The following PYGO1 variants were observed in gnomAD, a reference collection of about 807,000 sequenced individuals.
PYGO1 encodes the protein pygopus homolog 1.
In PYGO1, 6 loss-of-function variants were observed where a neutral mutation model predicts 29.5. The ratio of observed to expected loss-of-function variants is 0.20; its 90% CI spans 0.11 to 0.40. The LOEUF is 0.40. Among genes scored for constraint, PYGO1 ranks in the 10% least tolerant of loss-of-function variants. The pLI is 1.00. For missense variants in PYGO1, 515 were observed against 514.9 expected (o/e 1.00, Z 0.00); for synonymous variants, 186 against 180.5 (o/e 1.03, Z -0.24).
At chr15:55,556,668 A>T (rs1342529833) in intron 1 of PYGO1, among the ~76,000 whole-genome samples, 1 of 150,096 alleles carries the variant, frequency 6.7e-6, no homozygotes, top group Non-Finnish European at 1.5e-5. Context: ...TGAAGGAGAC[A>T]GAGACACAAA....
At chr15:55,570,137 C>T (rs1403473834) in intron 1 of PYGO1, among the ~76,000 whole-genome samples, 1 of 152,170 alleles carries the variant, frequency 6.6e-6, no homozygotes, top group Non-Finnish European at 1.5e-5. Context: ...AGGCCTCACT[C>T]ACTTTTATCA....
chr15:55,588,213 CCTT>C lies in PYGO1; in HGVS notation c.-333_-331del, dbSNP rs535134728. On this transcript the variant is annotated 5_prime_UTR_variant, in exon 1 of 3. Coordinates refer to ENST00000563719, the MANE Select transcript of PYGO1 (RefSeq NM_001367806.1). Reference sequence around the variant, plus strand: ...GCCGCCGCCGCCGCCTCCTCCCACTCCTTCTTCTTCGCCGCCGCCTCAGGAGCC... The same window carrying C: ...GCCGCCGCCGCCGCCTCCTCCCACTCCTTCTTCGCCGCCGCCTCAGGAGCC... 3.5e-3 allele frequency: 751 copies of C among 213,440 alleles called. No individual in the cohort carries two copies. Among genetic ancestry groups the C allele is most frequent in the Non-Finnish European group, 4.4e-3 (553 of 125,662 alleles). 13.2% of individuals were successfully genotyped at this position (213,440 alleles called of 1,614,324 possible). A position where few individuals can be genotyped will look rare whatever the true frequency, so the allele number is the denominator to read the frequency against.
chr15:55,582,679 A>G (rs1418222317), intron 1 of PYGO1, among the ~76,000 whole-genome samples: 2 of 152,102 alleles, frequency 1.3e-5, no homozygotes, highest in African/African-American at 4.8e-5. Flanking sequence ...CCAGTTCCAA[A>G]CCATATACAT....
In PYGO1 at chr15:55,549,011, T is replaced by A. The variant is rs76474612; in HGVS notation, c.50-16A>T. 0.063 allele frequency: 93,648 copies of A among 1,492,626 alleles called. 1,128 individuals are homozygous for A. Among genetic ancestry groups the A allele is most frequent in the Non-Finnish European group, 0.069 (75,101 of 1,086,552 alleles). The allele number at this position is 1,492,626 out of a possible 1,614,324, so 92.5% of individuals were successfully genotyped here. ...CTATCACCACCTAAAAAAAAAAAAA[T>A]TCAGGTAATATTTCCCACTTGTAAG... On this transcript the variant is annotated splice_polypyrimidine_tract_variant and intron_variant, in intron 1 of 2. Coordinates refer to ENST00000563719, the MANE Select transcript of PYGO1 (RefSeq NM_001367806.1).
At chr15:55,551,702 G>A (rs1218343082) in intron 1 of PYGO1, among the ~76,000 whole-genome samples, 1 of 152,182 alleles carries the variant, frequency 6.6e-6, no homozygotes, top group Admixed American at 6.5e-5. Context: ...AGCTACTCAG[G>A]AGGCTGAGGT....
Position 55,547,114 on chromosome 15 carries a change from G to A in PYGO1, c.169C>T (p.Pro57Ser). ...PSFPPLSEYA[P>S]PPNPNSDHLV... ...TGGTCAGAGTTTGGATTCGGTGGTG[G>A]AGCATACTCAGACAATGGAGGGAAA... The change falls in exon 3 of 3, where the codon CCA becomes TCA. Residue 57 changes from proline (P) to serine (S), a missense_variant. Pro to Ser is a moderately conservative substitution (Grantham distance 74). Transcript: ENST00000563719. 1 of 1,607,744 alleles carries A rather than the reference G, an allele frequency of 6.2e-7. No homozygotes were observed. Among genetic ancestry groups the A allele is most frequent in the Non-Finnish European group, 8.5e-7 (1 of 1,177,308 alleles).
At chr15:55,587,792 T>C (rs1257990255) in intron 1 of PYGO1, 43 bp downstream of exon 1, 3 of 1,467,532 alleles carry the variant, frequency 2.0e-6, no homozygotes, top group Non-Finnish European at 2.7e-6. Flanking sequence ...CCCGCGCACC[T>C]CACTCACCCC....
chr15:55,584,721 A>G (rs2083253), intron 1 of PYGO1, among the ~76,000 whole-genome samples: 62,884 of 152,136 alleles, frequency 0.41, 16,673 homozygotes, highest in Non-Finnish European at 0.59. Flanking sequence ...ACCTGTCCTC[A>G]TAGATCTGTC....
In PYGO1 at chr15:55,541,602, A is replaced by G. The variant is rs1428313860; in HGVS notation, c.*4421T>C. The G allele has an allele frequency of 6.6e-6, 1 of 152,214 alleles. No individual in the cohort carries two copies. The allele number at this position is 152,214 out of a possible 1,614,324, so 9.4% of individuals were successfully genotyped here. A position where few individuals can be genotyped will look rare whatever the true frequency, so the allele number is the denominator to read the frequency against. On this transcript the variant is annotated 3_prime_UTR_variant, in exon 3 of 3. Coordinates refer to ENST00000563719, the MANE Select transcript of PYGO1 (RefSeq NM_001367806.1). ...ACTATCTTCATTCATACCTTAGTAG[A>G]AAATGCTTTTCTCTTAAAGTCTAGC... is the stretch of plus-strand genomic sequence containing the variant.
intron 1 of PYGO1, among the ~76,000 whole-genome samples, chr15:55,583,411 A>G (rs1293277667): frequency 6.7e-6 from 1 of 149,208 alleles, no homozygotes. Context: ...TCTCTTGACT[A>G]TCTTTTTAAG....
chr15:55,567,492 T>G (rs2058962043), intron 1 of PYGO1, among the ~76,000 whole-genome samples: 1 of 152,146 alleles, frequency 6.6e-6, no homozygotes. Context: ...TTTAAATTCC[T>G]TATAAATTCT....
intron 1 of PYGO1, among the ~76,000 whole-genome samples, chr15:55,567,077 G>T (rs1472741292): frequency 1.3e-5 from 2 of 151,452 alleles, no homozygotes; most frequent in Non-Finnish European, 2.9e-5. Context: ...GATGTGAGAT[G>T]GTATCTTATT....
chr15:55,579,295 T>C (rs957528742), intron 1 of PYGO1, among the ~76,000 whole-genome samples: 1 of 152,156 alleles, frequency 6.6e-6, no homozygotes, highest in Non-Finnish European at 1.5e-5. Context: ...GAGTCTGATA[T>C]GGAAAAAGAA....
chr15:55,563,187 CAAAT>C (rs1419098693), intron 1 of PYGO1, among the ~76,000 whole-genome samples: 1 of 151,910 alleles, frequency 6.6e-6, no homozygotes, highest in Non-Finnish European at 1.5e-5. Flanking sequence ...AAAATATTTG[CAAAT>C]AATAAGACTC....
chr15:55,565,063 G>C lies in PYGO1; in HGVS notation c.50-16068C>G, dbSNP rs747102245. 4.7e-4 allele frequency among the ~76,000 whole-genome samples: 72 copies of C among 152,154 alleles called. 1 individual carries two copies. The Middle Eastern group carries it at 0.017, about 36-fold the overall frequency. On this transcript the variant is annotated intron_variant, in intron 1 of 2. Transcript: ENST00000563719. ...TTCAAGTCTCTGATTTCTTCTTCTT[G>C]AACTAGCCATAAAGAAGCCTTTGCT...
rs1209122082 is a variant in PYGO1, at chr15:55,544,412, C to T, written c.*1611G>A. On this transcript the variant is annotated 3_prime_UTR_variant, in exon 3 of 3. Transcript: ENST00000563719. ...AAGCTCCAAATGATAGACAGTAGTC[C>T]ATGGAATAAAGGTCCAGTGACTAAA... is the stretch of plus-strand genomic sequence containing the variant. The T allele has an allele frequency of 6.6e-6, 1 of 152,036 alleles. No homozygotes were observed. Among genetic ancestry groups the T allele is most frequent in the Non-Finnish European group, 1.5e-5 (1 of 67,998 alleles). The allele number at this position is 152,036 out of a possible 1,614,324, so 9.4% of individuals were successfully genotyped here.
intron 1 of PYGO1, among the ~76,000 whole-genome samples, chr15:55,549,669 A>T (rs62020034): frequency 0.054 from 8,183 of 152,266 alleles, 273 homozygotes; most frequent in Middle Eastern, 0.068. Context: ...CTTAAAGATA[A>T]TGTTAAAAAT....
chr15:55,538,983 T>C lies in PYGO1; in HGVS notation c.*7040A>G, dbSNP rs2058818093. On this transcript the variant is annotated 3_prime_UTR_variant, in exon 3 of 3. Coordinates refer to ENST00000563719, the MANE Select transcript of PYGO1 (RefSeq NM_001367806.1). ...ACATATTATTCAAGAAAGCCTGCCA[T>C]ACATCATTTCTACTAATGGTAGGTC... The C allele has an allele frequency of 1.3e-5, 2 of 152,202 alleles. No homozygotes were observed. Among genetic ancestry groups the C allele is most frequent in the Non-Finnish European group, 2.9e-5 (2 of 68,036 alleles). 9.4% of individuals were successfully genotyped at this position (152,202 alleles called of 1,614,324 possible).
intron 1 of PYGO1, among the ~76,000 whole-genome samples, chr15:55,573,166 C>T (rs866629125): frequency 2.0e-5 from 3 of 151,952 alleles, no homozygotes; most frequent in East Asian, 1.9e-4. Context: ...ATTAGCCGGG[C>T]GTGGTAGCAG....
Sources: gnomAD v4.1 joint callset for allele counts (sites outside exome capture counted in the v4.1 genomes callset) on GRCh38, gnomAD v4.1.1 for gene constraint, MANE v1.5 for transcripts, NCBI Gene and HGNC (gene_info 2026-07-23, HGNC 2026-07-21) for gene names.